Variants in SBF2 observed in about 807,000 individuals in gnomAD.
SBF2 encodes the protein myotubularin-related protein 13.
Under a neutral mutation model 225.2 loss-of-function variants are expected in SBF2, and 112 were observed. The observed-to-expected ratio is 0.50, with a 90% CI of 0.43 to 0.58. The LOEUF (loss-of-function observed/expected upper bound fraction) is 0.58, where lower values mean the gene tolerates loss of function less well. SBF2 is among the 20% of genes least tolerant of loss of function. The pLI, the probability that SBF2 is intolerant of heterozygous loss-of-function variation, is 0.00. For missense variants in SBF2, 1,996 were observed against 2,206.2 expected, an observed-to-expected ratio of 0.90 and a Z score of 1.91; for synonymous variants, 763 against 773.3, an observed-to-expected ratio of 0.99 and a Z score of 0.22.
intron 22 of SBF2, among the ~76,000 whole-genome samples, chr11:9,848,154 T>G (rs574186546): frequency 6.6e-6 from 1 of 152,198 alleles, no homozygotes; most frequent in Admixed American, 6.5e-5. Context: ...TTTCTTCATT[T>G]ATTATAATCA....
chr11:9,981,433 T>C (rs922017778), intron 13 of SBF2, among the ~76,000 whole-genome samples: 1 of 152,176 alleles, frequency 6.6e-6, no homozygotes, highest in Non-Finnish European at 1.5e-5. Context: ...AATCTGCACA[T>C]GTGCCCCTTA....
At chr11:10,213,955 G>A (rs1486460188) in intron 1 of SBF2, among the ~76,000 whole-genome samples, 6 of 152,142 alleles carry the variant, frequency 3.9e-5, no homozygotes, top group Non-Finnish European at 8.8e-5. Context: ...CTCTGAACCC[G>A]ATTTAGACTA....
At chr11:10,013,393 G>C (rs1236825660) in intron 6 of SBF2, among the ~76,000 whole-genome samples, 1 of 152,144 alleles carries the variant, frequency 6.6e-6, no homozygotes. Context: ...GTAGGGGAGA[G>C]GGGGCAACCA....
intron 1 of SBF2, among the ~76,000 whole-genome samples, chr11:10,198,405 C>G (rs1957454879): frequency 6.6e-6 from 1 of 152,116 alleles, no homozygotes; most frequent in Non-Finnish European, 1.5e-5. Flanking sequence ...CAACAGTGGG[C>G]TTAAAATATT....
At chr11:10,260,560 C>CA (rs1961327544) in intron 1 of SBF2, among the ~76,000 whole-genome samples, 1 of 151,906 alleles carries the variant, frequency 6.6e-6, no homozygotes, top group Non-Finnish European at 1.5e-5. Context: ...ACTAAAAATA[C>CA]AAAAAATTAG....
chr11:10,163,442 T>C (rs370549637), intron 2 of SBF2, among the ~76,000 whole-genome samples: 279 of 152,280 alleles, frequency 1.8e-3, no homozygotes, highest in South Asian at 2.1e-3. Context: ...TTAGGTTTTA[T>C]ACTGAAACCA....
chr11:10,285,242 C>G (rs1963673716), intron 1 of SBF2, among the ~76,000 whole-genome samples: 1 of 142,270 alleles, frequency 7.0e-6, no homozygotes, highest in Admixed American at 7.3e-5. Context: ...CCTGGGAGAT[C>G]AAGGCTTCAG....
chr11:9,789,213 C>A lies in SBF2; in HGVS notation c.4828G>T (p.Asp1610Tyr). 1 of 1,614,188 alleles carries A rather than the reference C, an allele frequency of 6.2e-7. No homozygotes were observed. Among genetic ancestry groups the A allele is most frequent in the Non-Finnish European group, 8.5e-7 (1 of 1,180,040 alleles). The change falls in exon 35 of 40, where the codon GAC becomes TAC. Residue 1610 changes from aspartate to tyrosine, a missense_variant. Coordinates refer to ENST00000256190, the MANE Select transcript of SBF2 (RefSeq NM_030962.4). ...CGTGGCCCAGCTTCTCCAGCCAGGT[C>A]AGAGTCTTCGGAGGGGAAGTGCTTG... ...TPKHFPSEDS[D>Y]LAGEAGPRSQ... is the part of the protein sequence containing the mutation.
At chr11:9,812,009 C>T (rs957977646) in intron 30 of SBF2, among the ~76,000 whole-genome samples, 5 of 151,864 alleles carry the variant, frequency 3.3e-5, no homozygotes, top group Admixed American at 3.3e-4. Context: ...CCAAAGTTGA[C>T]TGAACTGAAA....
intron 2 of SBF2, among the ~76,000 whole-genome samples, chr11:10,156,701 C>G (rs1471899614): frequency 6.6e-6 from 1 of 152,170 alleles, no homozygotes; most frequent in East Asian, 1.9e-4. Flanking sequence ...CCTAAGAATA[C>G]AGCTAACCAG....
rs536582742 is a variant in SBF2 at position 10,291,265 on chromosome 11, G to T, written c.55+2750C>A. On this transcript the variant is annotated intron_variant, in intron 1 of 39. Coordinates refer to ENST00000256190, the MANE Select transcript of SBF2 (RefSeq NM_030962.4). ...ATGGTGGTGGAGTCCTTGTGAATGG[G>T]ATTAGTTCCCTTTTTAAAGAGACCC... is the stretch of plus-strand genomic sequence containing the variant. Among the ~76,000 whole-genome samples the T allele has an allele frequency of 2.0e-5, 3 of 152,240 alleles. No homozygotes were observed. The East Asian group carries it at 5.8e-4, about 29-fold the overall frequency.
chr11:10,299,419 A>G (rs527754321), intron 1 of SBF2, among the ~76,000 whole-genome samples: 1 of 151,758 alleles, frequency 6.6e-6, no homozygotes, highest in Admixed American at 6.6e-5. Flanking sequence ...CTTAACATTC[A>G]TTTGAAGTAC....
At chr11:10,230,472 T>C (rs1209020078) in intron 1 of SBF2, among the ~76,000 whole-genome samples, 3 of 152,346 alleles carry the variant, frequency 2.0e-5, no homozygotes, top group South Asian at 2.1e-4. Context: ...CCATGTTTAG[T>C]GCTTCCCTCA....
intron 9 of SBF2, among the ~76,000 whole-genome samples, chr11:9,997,758 ACAGAGCAAGAC>A (rs1234285288): frequency 6.6e-6 from 1 of 152,256 alleles, no homozygotes; most frequent in African/African-American, 2.4e-5. Flanking sequence ...AGCCTGGGCG[ACAGAGCAAGAC>A]TCCGTCTCAA....
At chr11:10,235,806 T>C (rs1424856824) in intron 1 of SBF2, among the ~76,000 whole-genome samples, 1 of 151,934 alleles carries the variant, frequency 6.6e-6, no homozygotes, top group Non-Finnish European at 1.5e-5. Context: ...AGGTAGCAAA[T>C]TTGCTTTTTA....
At position 9,959,585 on chromosome 11, in the gene SBF2, C is replaced by T; in HGVS notation, c.1860+2372G>A. ...ATGGCAGCAGGCATGAGATACATGT[C>T]ACTGTTGGAACCTTCAAAGTACTAG... On this transcript the variant is annotated intron_variant, in intron 16 of 39. Coordinates refer to ENST00000256190, the MANE Select transcript of SBF2 (RefSeq NM_030962.4). The T allele has an allele frequency of 3.9e-6, 3 of 768,394 alleles. No individual in the cohort carries two copies. The South Asian group carries it at 4.0e-5, about 10-fold the overall frequency. 47.6% of individuals were successfully genotyped at this position (768,394 alleles called of 1,614,324 possible). A position where few individuals can be genotyped will look rare whatever the true frequency, so the allele number is the denominator to read the frequency against.
At chr11:9,939,752 G>A (rs1444982622) in intron 16 of SBF2, among the ~76,000 whole-genome samples, 3 of 152,028 alleles carry the variant, frequency 2.0e-5, no homozygotes, top group African/African-American at 7.2e-5. Flanking sequence ...TTAACTACAG[G>A]TATCAGTAAA....
chr11:10,244,918 T>C (rs1259274329), intron 1 of SBF2, among the ~76,000 whole-genome samples: 1 of 151,848 alleles, frequency 6.6e-6, no homozygotes, highest in Non-Finnish European at 1.5e-5. Context: ...GGTGGATCAC[T>C]TGAGCTCAGA....
intron 1 of SBF2, among the ~76,000 whole-genome samples, chr11:10,204,862 T>C (rs1207674568): frequency 3.3e-5 from 5 of 152,060 alleles, no homozygotes; most frequent in East Asian, 1.9e-4. Flanking sequence ...AAGGGAGTGA[T>C]TGCTAACGGA....
Sources: gnomAD v4.1 joint callset for allele counts (sites outside exome capture counted in the v4.1 genomes callset) on GRCh38, gnomAD v4.1.1 for gene constraint, MANE v1.5 for transcripts, NCBI Gene and HGNC (gene_info 2026-07-23, HGNC 2026-07-21) for gene names.